The following ROBO2 variants were observed in gnomAD, a reference collection of about 807,000 sequenced individuals.
ROBO2 encodes roundabout homolog 2.
Under a neutral mutation model 160.8 loss-of-function variants are expected in ROBO2, and 53 were observed. The observed-to-expected ratio is 0.33, with a 90% CI of 0.26 to 0.41. The LOEUF (loss-of-function observed/expected upper bound fraction) is 0.41, where lower values mean the gene tolerates loss of function less well. ROBO2 is among the 10% of genes least tolerant of loss of function. ROBO2 has a pLI of 1.00. For synonymous variants in ROBO2, 664 were observed against 611.7 expected, an observed-to-expected ratio of 1.09 and a Z score of -1.26; for missense variants, 1,577 against 1,722.4, an observed-to-expected ratio of 0.92 and a Z score of 1.49.
At chr3:76,097,329 C>T (rs911449536) in intron 2 of ROBO2, among the ~76,000 whole-genome samples, 8 of 151,988 alleles carry the variant, frequency 5.3e-5, no homozygotes, top group Non-Finnish European at 1.0e-4. Context: ...CCTGAACTTG[C>T]TCCTGGAGAG....
chr3:77,234,071 C>A (rs1321617046), intron 2 of ROBO2, among the ~76,000 whole-genome samples: 1 of 152,108 alleles, frequency 6.6e-6, no homozygotes, highest in Non-Finnish European at 1.5e-5. Flanking sequence ...AGGGAGTGGA[C>A]CATTAGTTTT....
intron 2 of ROBO2, among the ~76,000 whole-genome samples, chr3:76,040,021 A>G (rs2067232009): frequency 6.6e-6 from 1 of 151,962 alleles, no homozygotes; most frequent in Non-Finnish European, 1.5e-5. Context: ...GTTTTTAATG[A>G]CTTCTTTTGT....
intron 2 of ROBO2, among the ~76,000 whole-genome samples, chr3:76,006,881 C>T (rs770624462): frequency 6.6e-6 from 1 of 151,782 alleles, no homozygotes; most frequent in Non-Finnish European, 1.5e-5. Context: ...AAATCACATA[C>T]CGGTCAAGTA....
rs2076591783 is a variant in ROBO2 at position 77,410,218 on chromosome 3, C to T, written c.389-67196C>T. Among the ~76,000 whole-genome samples, 3 of 152,268 alleles carry T rather than the reference C, an allele frequency of 2.0e-5. No homozygotes were observed. In the South Asian group the frequency reaches 6.2e-4, roughly 32 times the overall value. ...GACAGATAAATGAGTTAACACATCT[C>T]TCTGTGGAATCTGTTTCTATGTATC... On this transcript the variant is annotated intron_variant, in intron 2 of 25. Coordinates refer to ENST00000461745, the Ensembl canonical transcript of ROBO2.
chr3:76,186,147 G>A (rs1185349657), intron 2 of ROBO2, among the ~76,000 whole-genome samples: 1 of 151,704 alleles, frequency 6.6e-6, no homozygotes, highest in East Asian at 1.9e-4. Context: ...TGTCCAGGCT[G>A]GTCTCAAAAT....
At chr3:76,669,395 CAA>C (rs1184992776) in intron 2 of ROBO2, among the ~76,000 whole-genome samples, 2 of 152,048 alleles carry the variant, frequency 1.3e-5, no homozygotes, top group Non-Finnish European at 2.9e-5. Flanking sequence ...TCCATTTTGG[CAA>C]AGAGACCGTA....
At chr3:76,539,284 C>T (rs1244595841) in intron 2 of ROBO2, among the ~76,000 whole-genome samples, 1 of 151,466 alleles carries the variant, frequency 6.6e-6, no homozygotes, top group Non-Finnish European at 1.5e-5. Context: ...ATAGGTGCAG[C>T]AAACCACCAT....
intron 2 of ROBO2, among the ~76,000 whole-genome samples, chr3:76,439,221 A>G (rs1257525987): frequency 6.6e-6 from 1 of 152,126 alleles, no homozygotes; most frequent in Non-Finnish European, 1.5e-5. Context: ...ATCAAAAGAA[A>G]CAAAGGTCAC....
intron 2 of ROBO2, among the ~76,000 whole-genome samples, chr3:77,358,219 CT>C (rs1223463262): frequency 6.6e-6 from 1 of 152,168 alleles, no homozygotes; most frequent in Non-Finnish European, 1.5e-5. Context: ...TCTAGGTAGA[CT>C]CTTTCCATGC....
exon 5 of ROBO2, chr3:77,493,310 G>A (rs201218809): frequency 2.3e-5 from 37 of 1,613,708 alleles, no homozygotes; most frequent in Non-Finnish European, 2.9e-5. Flanking sequence ...GTAGAATTTC[G>A]TTGTCAAGTC....
At chr3:76,485,329 A>G (rs1322365722) in intron 2 of ROBO2, among the ~76,000 whole-genome samples, 1 of 151,972 alleles carries the variant, frequency 6.6e-6, no homozygotes, top group African/African-American at 2.4e-5. Context: ...TGCGCAGTCC[A>G]CAATAGGGTT....
At chr3:75,950,699 C>G (rs966411984) in intron 2 of ROBO2, among the ~76,000 whole-genome samples, 1 of 151,410 alleles carries the variant, frequency 6.6e-6, no homozygotes, top group Admixed American at 6.6e-5. Context: ...CTTATGTATT[C>G]TCCCCATGTC....
chr3:76,049,403 A>ATTTTTTTTTTTTTTTTTT (rs1167852972), intron 2 of ROBO2, among the ~76,000 whole-genome samples: 5 of 53,752 alleles, frequency 9.3e-5, no homozygotes, highest in African/African-American at 4.4e-4. Context: ...ATATATATAT[A>ATTTTTTTTTTTTTTTTTT]TTTTTTTTTT....
intron 16 of ROBO2, among the ~76,000 whole-genome samples, chr3:77,587,146 G>A (rs2094072436): frequency 6.6e-6 from 1 of 152,042 alleles, no homozygotes; most frequent in African/African-American, 2.4e-5. Flanking sequence ...CAGGGGTTTT[G>A]GATCTTTCAA....
chr3:77,327,996 G>A (rs987098656), intron 2 of ROBO2, among the ~76,000 whole-genome samples: 1 of 149,108 alleles, frequency 6.7e-6, no homozygotes, highest in Admixed American at 6.8e-5. Context: ...GACAGAGGCA[G>A]AGGTTGCAGT....
chr3:76,175,121 C>T (rs1251816839), intron 2 of ROBO2, among the ~76,000 whole-genome samples: 1 of 151,866 alleles, frequency 6.6e-6, no homozygotes, highest in Non-Finnish European at 1.5e-5. Context: ...TTCTTTGTAG[C>T]AATTGCGAAT....
In ROBO2 at chr3:76,994,772, T is replaced by A. The variant is rs2060892421; in HGVS notation, c.110-103242T>A. Among the ~76,000 whole-genome samples the A allele has an allele frequency of 2.0e-5, 3 of 152,176 alleles. 1 individual carries two copies. The South Asian group carries it at 6.2e-4, about 31-fold the overall frequency. On this transcript the variant is annotated intron_variant, in intron 2 of 26. Transcript: ENST00000487694. The stretch of plus-strand genomic sequence containing the variant: ...AAAAATGTATGTTAATATTTTGGGC[T>A]TACCCTTCCATAAACCACAGATGTG...
Position 76,719,291 on chromosome 3 carries a change from A to G in ROBO2, c.110-378723A>G, listed in dbSNP as rs553758883. On this transcript the variant is annotated intron_variant, in intron 2 of 26. Transcript: ENST00000487694. ...ATGTATAGATTCAGTCCCTTTTTCA[A>G]TTATGTAGACATCATAACAATATTC... Among the ~76,000 whole-genome samples, 7 of 152,258 alleles carry G rather than the reference A, an allele frequency of 4.6e-5. No individual in the cohort carries two copies. In the South Asian group the frequency reaches 6.2e-4, roughly 14 times the overall value.
chr3:77,232,827 A>G (rs770784830), intron 2 of ROBO2, among the ~76,000 whole-genome samples: 6 of 152,108 alleles, frequency 3.9e-5, no homozygotes, highest in Non-Finnish European at 5.9e-5. Flanking sequence ...CCTGCCCATG[A>G]TTGCCTTTTC....
Sources: allele counts gnomAD v4.1 joint callset (sites outside exome capture counted in the v4.1 genomes callset), GRCh38; gene constraint gnomAD v4.1.1; transcripts MANE v1.5; gene names NCBI Gene and HGNC (gene_info 2026-07-23, HGNC 2026-07-21).